ACAD11: variants seen among roughly 807,000 people sequenced by gnomAD.
The protein encoded by ACAD11 is acyl-CoA dehydrogenase family member 11.
Under a neutral mutation model 102.2 loss-of-function variants are expected in ACAD11, and 83 were observed. The ratio of observed to expected loss-of-function variants is 0.81; its 90% CI spans 0.68 to 0.97. The LOEUF (loss-of-function observed/expected upper bound fraction) is 0.97, where lower values mean the gene tolerates loss of function less well. Among genes scored for constraint, ACAD11 ranks in the 50% least tolerant of loss-of-function variants. The probability of loss-of-function intolerance (pLI) is 0.00; values close to 1 mark genes in which losing one functional copy is unlikely to be tolerated. For synonymous variants in ACAD11, 324 were observed against 319.8 expected (o/e 1.01, Z -0.14); for missense variants, 901 against 951.7 (o/e 0.95, Z 0.70).
chr3:132,605,311 T>C (rs1938796054), intron 11 of ACAD11, 106 bp from the exon 12 acceptor site: 1 of 617,260 alleles, frequency 1.6e-6, no homozygotes, highest in Non-Finnish European at 2.7e-6. Flanking sequence ...AAGCAAATGT[T>C]TGCTAACAAA....
intron 5 of ACAD11, among the ~76,000 whole-genome samples, chr3:132,632,152 C>G (rs1474292161): frequency 6.6e-6 from 1 of 150,968 alleles, no homozygotes; most frequent in Non-Finnish European, 1.5e-5. Context: ...GGCGCGATCT[C>G]TGCTCACTGC....
intron 1 of ACAD11, chr3:132,654,812 C>G (rs1349021375): frequency 6.6e-6 from 1 of 152,168 alleles, no homozygotes; most frequent in Non-Finnish European, 1.5e-5. Context: ...AGAAGCCACA[C>G]AATAAATCGT....
intron 19 of ACAD11, 73 bp downstream of exon 19, chr3:132,559,760 T>C: frequency 1.4e-5 from 16 of 1,173,004 alleles, no homozygotes; most frequent in Non-Finnish European, 1.9e-5. Flanking sequence ...AAGCAATTAA[T>C]GTCAAGGCAT....
intron 11 of ACAD11, among the ~76,000 whole-genome samples, chr3:132,610,325 G>A (rs1177317110): frequency 6.6e-6 from 1 of 151,974 alleles, no homozygotes; most frequent in Non-Finnish European, 1.5e-5. Flanking sequence ...AACTAGAGAA[G>A]AGCAAACACA....
At chr3:132,623,428 T>A (rs1284681387) in intron 9 of ACAD11, among the ~76,000 whole-genome samples, 4 of 152,182 alleles carry the variant, frequency 2.6e-5, no homozygotes, top group Non-Finnish European at 5.9e-5. Flanking sequence ...CCAAATAACA[T>A]CCTCTAACAT....
chr3:132,575,036 G>A (rs1257863467), intron 17 of ACAD11, among the ~76,000 whole-genome samples: 2 of 151,870 alleles, frequency 1.3e-5, no homozygotes, highest in African/African-American at 2.4e-5. Flanking sequence ...TAGTAGAGAC[G>A]GGGTTTCACC....
intron 5 of ACAD11, among the ~76,000 whole-genome samples, chr3:132,633,643 G>A (rs866484158): frequency 6.0e-4 from 91 of 152,156 alleles, no homozygotes; most frequent in African/African-American, 2.0e-3. Flanking sequence ...AGTTTCAGAA[G>A]GAATGGTACC....
chr3:132,582,231 C>T (rs1345705111), intron 13 of ACAD11, among the ~76,000 whole-genome samples: 1 of 151,112 alleles, frequency 6.6e-6, no homozygotes, highest in Non-Finnish European at 1.5e-5. Flanking sequence ...TGTCATTATT[C>T]AAATTGGAGA....
chr3:132,651,992 G>A (rs1001081025), intron 1 of ACAD11, among the ~76,000 whole-genome samples: 3 of 152,162 alleles, frequency 2.0e-5, no homozygotes, highest in African/African-American at 7.2e-5. Flanking sequence ...TTGGGGGACT[G>A]TCAGAAGGCA....
chr3:132,638,643 AT>A (rs1940364996), intron 5 of ACAD11, among the ~76,000 whole-genome samples: 1 of 152,232 alleles, frequency 6.6e-6, no homozygotes, highest in African/African-American at 2.4e-5. Context: ...TAGAGACTCA[AT>A]ATTATGTAGA....
chr3:132,603,281 G>C lies in ACAD11; in HGVS notation c.1569C>G (p.Ile523Met). ...SSDATNIECS[I>M]QRDEDSYVIN... ...TTACATAGCTATCTTCATCTCGTTGGATGCTGCATTCAATATTCGTGGCAT... is the reference window on the plus strand; with the variant it reads ...TTACATAGCTATCTTCATCTCGTTGCATGCTGCATTCAATATTCGTGGCAT... Residue 523 changes from isoleucine (I) to methionine (M), a missense_variant, in exon 13 of 20, where the codon ATC (isoleucine) becomes ATG (methionine). Coordinates refer to ENST00000264990, the MANE Select transcript of ACAD11 (RefSeq NM_032169.5). 1.9e-6 allele frequency: 3 copies of C among 1,614,026 alleles called. No homozygotes were observed. The highest frequency in any genetic ancestry group is 2.5e-6 in the Non-Finnish European group (3 of 1,179,930).
intron 13 of ACAD11, among the ~76,000 whole-genome samples, chr3:132,586,246 A>T (rs1937817113): frequency 6.6e-6 from 1 of 152,182 alleles, no homozygotes; most frequent in Admixed American, 6.5e-5. Context: ...CAAGGACAAA[A>T]AAGCAAACAC....
chr3:132,622,301 GCT>G (rs1247477343), intron 9 of ACAD11, among the ~76,000 whole-genome samples: 2 of 152,168 alleles, frequency 1.3e-5, no homozygotes, highest in Non-Finnish European at 2.9e-5. Context: ...GCAAAGGTCT[GCT>G]CTTTCAAAGG....
chr3:132,563,534 A>C (rs1937124530), intron 17 of ACAD11, among the ~76,000 whole-genome samples: 1 of 152,138 alleles, frequency 6.6e-6, no homozygotes. Context: ...CTTAAAAAAA[A>C]CTGTTGTAAA....
intron 3 of ACAD11, 99 bp from the exon 4 acceptor site, chr3:132,642,232 G>C (rs188963839): frequency 3.8e-4 from 430 of 1,134,444 alleles, no homozygotes; most frequent in Non-Finnish European, 4.8e-4. Context: ...TTTAATATTA[G>C]AGTATACATG....
intron 9 of ACAD11, among the ~76,000 whole-genome samples, chr3:132,620,731 G>C (rs889384788): frequency 2.0e-5 from 3 of 152,216 alleles, no homozygotes; most frequent in African/African-American, 7.2e-5. Flanking sequence ...AAACCATAGA[G>C]ATGAAACTTA....
intron 13 of ACAD11, among the ~76,000 whole-genome samples, chr3:132,590,952 G>T (rs375649164): frequency 6.6e-6 from 1 of 152,152 alleles, no homozygotes; most frequent in East Asian, 1.9e-4. Flanking sequence ...CATTCTGTAG[G>T]TTGTCTGCTC....
At chr3:132,596,265 G>A (rs889009398) in intron 13 of ACAD11, among the ~76,000 whole-genome samples, 1 of 152,054 alleles carries the variant, frequency 6.6e-6, no homozygotes. Context: ...ACACACTGGG[G>A]CCTATCAAAG....
chr3:132,619,958 T>C (rs1183020591), intron 9 of ACAD11, among the ~76,000 whole-genome samples: 2 of 152,224 alleles, frequency 1.3e-5, no homozygotes, highest in African/African-American at 4.8e-5. Flanking sequence ...TGAGCACACA[T>C]TGCAGCCAAG....
Sources: gnomAD v4.1 joint callset for allele counts (sites outside exome capture counted in the v4.1 genomes callset) on GRCh38, gnomAD v4.1.1 for gene constraint, MANE v1.5 for transcripts, NCBI Gene and HGNC (gene_info 2026-07-23, HGNC 2026-07-21) for gene names.